The following MEF2C variants were observed in gnomAD, a reference collection of about 807,000 sequenced individuals.
The protein encoded by MEF2C is myocyte enhancer factor 2C.
In MEF2C, 6 loss-of-function variants were observed where a neutral mutation model predicts 50.5. The observed-to-expected ratio is 0.12, with a 90% confidence interval of 0.07 to 0.23. The LOEUF (loss-of-function observed/expected upper bound fraction) is 0.23, where lower values mean the gene tolerates loss of function less well. Among genes scored for constraint, MEF2C ranks in the 10% least tolerant of loss-of-function variants. The pLI is 1.00. For synonymous variants in MEF2C, 183 were observed against 228.0 expected, an observed-to-expected ratio of 0.80 and a Z score of 1.78; for missense variants, 276 against 605.0, an observed-to-expected ratio of 0.46 and a Z score of 5.70.
intron 6 of MEF2C, chr5:88,738,539 G>T (rs374728514): frequency 3.3e-6 from 3 of 903,014 alleles, no homozygotes; most frequent in African/African-American, 1.8e-5. Context: ...GCTATCAACT[G>T]GTGAAGCTAT....
intron 3 of MEF2C, among the ~76,000 whole-genome samples, chr5:88,792,308 G>A (rs1434327872): frequency 6.6e-6 from 1 of 152,094 alleles, no homozygotes; most frequent in Non-Finnish European, 1.5e-5. Context: ...CAACTTGCAA[G>A]TGCTTTCTGA....
intron 1 of MEF2C, among the ~76,000 whole-genome samples, chr5:88,852,553 A>G (rs1205011900): frequency 1.3e-5 from 2 of 152,290 alleles, no homozygotes; most frequent in Non-Finnish European, 2.9e-5. Context: ...GCGATAATTA[A>G]AATGGTGCAT....
intron 2 of MEF2C, among the ~76,000 whole-genome samples, chr5:88,810,342 T>C (rs943974042): frequency 1.3e-5 from 2 of 152,156 alleles, no homozygotes; most frequent in Non-Finnish European, 2.9e-5. Context: ...AAAATATATA[T>C]GTAAATATGC....
intron 6 of MEF2C, chr5:88,737,904 T>C (rs1299980563): frequency 1.0e-6 from 1 of 985,356 alleles, no homozygotes; most frequent in Non-Finnish European, 1.2e-6. Flanking sequence ...TTCTTAGTTG[T>C]TAGCTTTATT....
intron 1 of MEF2C, among the ~76,000 whole-genome samples, chr5:88,837,411 A>G (rs896252619): frequency 3.9e-5 from 6 of 152,184 alleles, no homozygotes; most frequent in African/African-American, 1.4e-4. Context: ...AAAGAGTGCA[A>G]TTTGTTTCCA....
At chr5:88,775,751 T>C in intron 3 of MEF2C, 1 of 887,278 alleles carries the variant, frequency 1.1e-6, no homozygotes, top group Non-Finnish European at 1.4e-6. Flanking sequence ...TATTCTTAGG[T>C]GTGCATTGTC....
At chr5:88,888,220 G>C (rs1431636681) in intron 1 of MEF2C, 1 of 152,192 alleles carries the variant, frequency 6.6e-6, no homozygotes, top group African/African-American at 2.4e-5. Flanking sequence ...ATGCTCCTGT[G>C]TTCTGATTTC....
At position 88,797,454 on chromosome 5, in the gene MEF2C, C is replaced by CTTTTTTTT. The variant is rs1169605093; in HGVS notation, c.258+7143_258+7144insAAAAAAAA. Among the ~76,000 whole-genome samples the CTTTTTTTT allele has an allele frequency of 9.5e-4, 24 of 25,220 alleles. 5 individuals are homozygous for CTTTTTTTT. Among genetic ancestry groups the CTTTTTTTT allele is most frequent in the East Asian group, 1.9e-3 (2 of 1,080 alleles). 16.5% of individuals were successfully genotyped at this position (25,220 alleles called of 152,430 possible). On this transcript the variant is annotated intron_variant, in intron 3 of 10. Coordinates refer to ENST00000504921, the MANE Select transcript of MEF2C (RefSeq NM_002397.5). Reference sequence around the variant, plus strand: ...TCACAGACTAGGATTGCAACCCTTGCCTTTTTTTTTTTTTTTTTTTTTTTT... The same window carrying CTTTTTTTT: ...TCACAGACTAGGATTGCAACCCTTGCTTTTTTTTCTTTTTTTTTTTTTTTTTTTTTTTT...
In MEF2C at chr5:88,877,194, T is replaced by C. The variant is rs192838488; in HGVS notation, c.-143+5761A>G. Reference sequence around the variant, plus strand: ...TCTGCCTGTAATATGTTTACTGTTTTTATTGCTTGTAATGTCGTCAATTTC... The same window carrying C: ...TCTGCCTGTAATATGTTTACTGTTTCTATTGCTTGTAATGTCGTCAATTTC... On this transcript the variant is annotated intron_variant, in intron 1 of 10. Coordinates refer to ENST00000504921, the MANE Select transcript of MEF2C (RefSeq NM_002397.5). 1.3e-3 allele frequency among the ~76,000 whole-genome samples: 200 copies of C among 152,178 alleles called. 1 individual carries two copies. In the South Asian group the frequency reaches 0.035, roughly 26 times the overall value.
At chr5:88,788,907 A>G (rs1036911720) in intron 3 of MEF2C, among the ~76,000 whole-genome samples, 5 of 152,174 alleles carry the variant, frequency 3.3e-5, no homozygotes, top group Non-Finnish European at 7.4e-5. Context: ...CACAGAGTCA[A>G]TCAATAAACT....
intron 7 of MEF2C, among the ~76,000 whole-genome samples, chr5:88,730,664 G>A (rs1761069449): frequency 1.3e-5 from 2 of 152,108 alleles, no homozygotes; most frequent in Admixed American, 6.5e-5. Flanking sequence ...TGCCATGCAC[G>A]GCCCACACTG....
intron 1 of MEF2C, among the ~76,000 whole-genome samples, chr5:88,893,319 CTT>C (rs11368134): frequency 3.4e-5 from 5 of 145,906 alleles, no homozygotes; most frequent in African/African-American, 5.0e-5. Context: ...TCTTTCTTTT[CTT>C]TTTTTTTTTT....
chr5:88,885,822 T>C (rs1016526227), upstream of MEF2C, among the ~76,000 whole-genome samples: 11 of 152,206 alleles, frequency 7.2e-5, no homozygotes, highest in African/African-American at 2.7e-4. Context: ...ACATAGCCAA[T>C]ACATGAATTT....
chr5:88,743,743 T>C (rs932476614), intron 6 of MEF2C: 44 of 985,306 alleles, frequency 4.5e-5, no homozygotes, highest in Non-Finnish European at 5.1e-5. Context: ...GGCAGTACAC[T>C]GCCACCATCA....
intron 6 of MEF2C, chr5:88,738,638 T>G: frequency 1.0e-6 from 1 of 985,370 alleles, no homozygotes; most frequent in Non-Finnish European, 1.2e-6. Flanking sequence ...TCTGAGATAG[T>G]GAAAGCCTTT....
intron 3 of MEF2C, among the ~76,000 whole-genome samples, chr5:88,786,739 A>T (rs1042275018): frequency 3.9e-5 from 6 of 152,210 alleles, no homozygotes; most frequent in Non-Finnish European, 7.3e-5. Flanking sequence ...TCCATATATC[A>T]CTACATTTAT....
chr5:88,736,691 A>G, intron 6 of MEF2C: 1 of 985,340 alleles, frequency 1.0e-6, no homozygotes, highest in Non-Finnish European at 1.2e-6. Flanking sequence ...GTCTTTCTGA[A>G]CTGCTACTTC....
intron 1 of MEF2C, among the ~76,000 whole-genome samples, chr5:88,836,729 G>A (rs1398401729): frequency 6.6e-6 from 1 of 152,122 alleles, no homozygotes; most frequent in African/African-American, 2.4e-5. Context: ...TGTTTTCAAG[G>A]ATAGCCCAAG....
intron 6 of MEF2C, chr5:88,732,574 G>A (rs901579599): frequency 2.6e-5 from 4 of 152,286 alleles, no homozygotes; most frequent in African/African-American, 9.6e-5. Context: ...CTCCGCTAAA[G>A]TGCTGATTCA....
Sources: gnomAD v4.1 joint callset for allele counts (sites outside exome capture counted in the v4.1 genomes callset) on GRCh38, gnomAD v4.1.1 for gene constraint, MANE v1.5 for transcripts, NCBI Gene and HGNC (gene_info 2026-07-23, HGNC 2026-07-21) for gene names.